RAPGEF4: variants seen among roughly 807,000 people sequenced by gnomAD.
RAPGEF4 encodes RAP guanine-nucleotide-exchange factor (GEF) 4.
Under a neutral mutation model 147.9 loss-of-function variants are expected in RAPGEF4, and 66 were observed. The ratio of observed to expected loss-of-function variants is 0.45; its 90% confidence interval spans 0.37 to 0.55. RAPGEF4 has a LOEUF of 0.55. Ranked by LOEUF, RAPGEF4 falls within the 20% of genes least tolerant of loss-of-function variation. The probability of loss-of-function intolerance (pLI) is 0.00; values close to 1 mark genes in which losing one functional copy is unlikely to be tolerated. For missense variants in RAPGEF4, 1,071 were observed against 1,257.3 expected, an observed-to-expected ratio of 0.85 and a Z score of 2.24; for synonymous variants, 419 against 442.7, an observed-to-expected ratio of 0.95 and a Z score of 0.67.
At position 172,980,095 on chromosome 2, in the gene RAPGEF4, A is replaced by T. The variant is rs528707037; in HGVS notation, c.1005-3401A>T. ...TAAGCAAAGAGAAGAGCATGCAAAAAGTCCTGCAGGCATGAAAAAGCTTAG... is the reference window on the plus strand; with the variant it reads ...TAAGCAAAGAGAAGAGCATGCAAAATGTCCTGCAGGCATGAAAAAGCTTAG... On this transcript the variant is annotated intron_variant, in intron 10 of 30. Coordinates refer to ENST00000397081, the MANE Select transcript of RAPGEF4 (RefSeq NM_007023.4). Among the ~76,000 whole-genome samples, 3 of 152,326 alleles carry T rather than the reference A, an allele frequency of 2.0e-5. No homozygotes were observed. In the South Asian group the frequency reaches 6.2e-4, roughly 32 times the overall value.
At chr2:172,807,456 C>T (rs1260363895) in intron 3 of RAPGEF4, among the ~76,000 whole-genome samples, 2 of 152,202 alleles carry the variant, frequency 1.3e-5, no homozygotes, top group Admixed American at 6.5e-5. Context: ...AACACATTTG[C>T]CTGAGAAGTA....
intron 4 of RAPGEF4, among the ~76,000 whole-genome samples, chr2:172,901,844 G>A (rs1038797265): frequency 6.6e-6 from 1 of 152,144 alleles, no homozygotes; most frequent in Non-Finnish European, 1.5e-5. Flanking sequence ...GAAAATAGAT[G>A]CCGTCCTGCC....
At chr2:172,888,634 C>T (rs1472363713) in intron 4 of RAPGEF4, among the ~76,000 whole-genome samples, 1 of 152,202 alleles carries the variant, frequency 6.6e-6, no homozygotes, top group Non-Finnish European at 1.5e-5. Flanking sequence ...TTCTCAGCCC[C>T]AAATACTGTC....
intron 1 of RAPGEF4, among the ~76,000 whole-genome samples, chr2:172,758,792 A>T (rs1240032680): frequency 6.6e-6 from 1 of 152,188 alleles, no homozygotes; most frequent in Admixed American, 6.5e-5. Flanking sequence ...CCTATTAGAC[A>T]TTCAATTCTA....
chr2:172,890,849 AT>A (rs2149901207), intron 4 of RAPGEF4, among the ~76,000 whole-genome samples: 1 of 152,300 alleles, frequency 6.6e-6, no homozygotes, highest in Non-Finnish European at 1.5e-5. Context: ...TTATTAACAG[AT>A]CAGGTGTGGT....
At chr2:172,893,156 C>T (rs113052141) in intron 4 of RAPGEF4, among the ~76,000 whole-genome samples, 8 of 152,124 alleles carry the variant, frequency 5.3e-5, no homozygotes, top group Admixed American at 2.6e-4. Flanking sequence ...CAGAGTACAA[C>T]GAAGATCCCG....
At chr2:172,818,202 T>A (rs1688705002) in intron 4 of RAPGEF4, among the ~76,000 whole-genome samples, 1 of 150,678 alleles carries the variant, frequency 6.6e-6, no homozygotes, top group African/African-American at 2.4e-5. Flanking sequence ...GAGAGAGGGG[T>A]GAAGGATAAA....
chr2:172,746,083 G>A lies in RAPGEF4; in HGVS notation c.65+10035G>A, dbSNP rs546198847. Among the ~76,000 whole-genome samples the A allele has an allele frequency of 1.8e-3, 277 of 152,206 alleles. 1 individual carries two copies. Among genetic ancestry groups the A allele is most frequent in the African/African-American group, 6.1e-3 (252 of 41,520 alleles). On this transcript the variant is annotated intron_variant, in intron 1 of 30. Coordinates refer to ENST00000397081, the MANE Select transcript of RAPGEF4 (RefSeq NM_007023.4). The stretch of plus-strand genomic sequence containing the variant: ...AATATTGTTTTTTCGCATTTGAGCC[G>A]TTAACAATGATTATGATTGAGTTGC...
At chr2:172,789,974 T>C (rs1685635014) in intron 1 of RAPGEF4, among the ~76,000 whole-genome samples, 2 of 152,208 alleles carry the variant, frequency 1.3e-5, no homozygotes, top group African/African-American at 4.8e-5. Context: ...TTCAGATAAA[T>C]ACCCAGAAGT....
intron 4 of RAPGEF4, among the ~76,000 whole-genome samples, chr2:172,915,265 A>C (rs1032275584): frequency 1.3e-5 from 2 of 152,242 alleles, no homozygotes; most frequent in Admixed American, 1.3e-4. Context: ...ACATGAATGA[A>C]ACAATTAGAA....
At chr2:172,816,788 G>A (rs1688556788) in intron 4 of RAPGEF4, among the ~76,000 whole-genome samples, 1 of 152,142 alleles carries the variant, frequency 6.6e-6, no homozygotes, top group African/African-American at 2.4e-5. Flanking sequence ...TGACAGGAGT[G>A]GATAGTTTTT....
chr2:172,760,203 G>A (rs1167514873), intron 1 of RAPGEF4, among the ~76,000 whole-genome samples: 1 of 152,178 alleles, frequency 6.6e-6, no homozygotes, highest in African/African-American at 2.4e-5. Flanking sequence ...CAAATGAGGA[G>A]CCTAATCATC....
intron 3 of RAPGEF4, among the ~76,000 whole-genome samples, chr2:172,802,617 A>G (rs1396481538): frequency 1.3e-5 from 2 of 152,188 alleles, no homozygotes; most frequent in Non-Finnish European, 1.5e-5. Context: ...CCTGGCCACT[A>G]CCAAATCTCA....
intron 4 of RAPGEF4, among the ~76,000 whole-genome samples, chr2:172,890,927 C>T (rs975546636): frequency 1.3e-5 from 2 of 152,212 alleles, no homozygotes; most frequent in South Asian, 2.1e-4. Context: ...GCCAGGAGTT[C>T]GAGACCAGCC....
chr2:172,957,775 G>A (rs2676503), intron 6 of RAPGEF4, among the ~76,000 whole-genome samples: 6,787 of 152,180 alleles, frequency 0.045, 509 homozygotes, highest in African/African-American at 0.16. Flanking sequence ...ATACCCTCTT[G>A]GTCCTGGAAC....
chr2:172,978,168 C>T (rs962599280), intron 10 of RAPGEF4, among the ~76,000 whole-genome samples: 6 of 151,840 alleles, frequency 4.0e-5, no homozygotes, highest in South Asian at 2.1e-4. Context: ...AGGCTGCCCA[C>T]GTGGGCTTCT....
At chr2:172,960,897 A>C in intron 7 of RAPGEF4, 84 bp downstream of exon 7, 1 of 1,158,580 alleles carries the variant, frequency 8.6e-7, no homozygotes, top group Non-Finnish European at 1.3e-6. Flanking sequence ...AGGGGATCAC[A>C]TCAGGAAGCC....
chr2:172,875,114 T>C (rs1695742541), intron 4 of RAPGEF4, among the ~76,000 whole-genome samples: 1 of 152,182 alleles, frequency 6.6e-6, no homozygotes. Flanking sequence ...TTCTTGTAAA[T>C]TTGTTTGAGT....
chr2:172,931,989 C>T (rs1240094431), intron 6 of RAPGEF4, among the ~76,000 whole-genome samples: 1 of 144,148 alleles, frequency 6.9e-6, no homozygotes, highest in Non-Finnish European at 1.6e-5. Flanking sequence ...GCGCCCCCCA[C>T]CCCCACCCCC....
Sources: gnomAD v4.1 joint callset for allele counts (sites outside exome capture counted in the v4.1 genomes callset) on GRCh38, gnomAD v4.1.1 for gene constraint, MANE v1.5 for transcripts, NCBI Gene and HGNC (gene_info 2026-07-23, HGNC 2026-07-21) for gene names.